The following MCC variants were observed in gnomAD, a reference collection of about 807,000 sequenced individuals.
MCC encodes colorectal mutant cancer protein.
Under a neutral mutation model 116.2 loss-of-function variants are expected in MCC, and 90 were observed. The ratio of observed to expected loss-of-function variants is 0.77; its 90% CI spans 0.65 to 0.92. The LOEUF is 0.92. Ranked by LOEUF, MCC falls within the 40% of genes least tolerant of loss-of-function variation. The pLI, the probability that MCC is intolerant of heterozygous loss-of-function variation, is 0.00. For synonymous variants in MCC, 578 were observed against 510.5 expected (o/e 1.13, Z -1.78); for missense variants, 1,516 against 1,312.2 (o/e 1.16, Z -2.40).
At chr5:113,204,863 C>T (rs1266654229) in intron 3 of MCC, among the ~76,000 whole-genome samples, 1 of 152,196 alleles carries the variant, frequency 6.6e-6, no homozygotes, top group Non-Finnish European at 1.5e-5. Context: ...TGAAGTCTTA[C>T]TTTTATATCC....
At chr5:113,332,766 T>A (rs1313970604) in intron 3 of MCC, among the ~76,000 whole-genome samples, 4 of 151,648 alleles carry the variant, frequency 2.6e-5, no homozygotes, top group Non-Finnish European at 5.9e-5. Context: ...ATCAGTAACT[T>A]ACCGATCTTC....
At chr5:113,213,637 G>A (rs1763209691) in intron 3 of MCC, among the ~76,000 whole-genome samples, 1 of 152,196 alleles carries the variant, frequency 6.6e-6, no homozygotes, top group Admixed American at 6.5e-5. Flanking sequence ...GCGGGTAAGA[G>A]AGAAAAGGCA....
chr5:113,264,451 T>G (rs1207228881), intron 3 of MCC, among the ~76,000 whole-genome samples: 1 of 152,184 alleles, frequency 6.6e-6, no homozygotes, highest in Non-Finnish European at 1.5e-5. Context: ...GCTGGCCAAC[T>G]ATCTTCCAGA....
chr5:113,268,767 T>C (rs1765507054), intron 3 of MCC, among the ~76,000 whole-genome samples: 1 of 152,194 alleles, frequency 6.6e-6, no homozygotes, highest in South Asian at 2.1e-4. Flanking sequence ...TAGTAAATCT[T>C]TGGTTACCTG....
chr5:113,307,377 T>G (rs1216864624), intron 3 of MCC, among the ~76,000 whole-genome samples: 1 of 152,206 alleles, frequency 6.6e-6, no homozygotes, highest in East Asian at 1.9e-4. Flanking sequence ...CTTGTTAAAT[T>G]TATTCCTAAG....
At chr5:113,073,779 T>C (rs1754215298) in intron 11 of MCC, among the ~76,000 whole-genome samples, 1 of 152,042 alleles carries the variant, frequency 6.6e-6, no homozygotes, top group Admixed American at 6.6e-5. Context: ...CTTCGCTCAC[T>C]GCTAGCACAG....
At chr5:113,164,064 G>C (rs1581184271) in intron 3 of MCC, among the ~76,000 whole-genome samples, 2 of 152,040 alleles carry the variant, frequency 1.3e-5, no homozygotes, top group South Asian at 4.1e-4. Context: ...CAAATAAATA[G>C]GTAATCCTTG....
chr5:113,472,922 T>G (rs1004526447), intron 1 of MCC, among the ~76,000 whole-genome samples: 3 of 152,178 alleles, frequency 2.0e-5, no homozygotes, highest in African/African-American at 7.2e-5. Flanking sequence ...AGTATTAAAC[T>G]ATTGGTTCAT....
intron 8 of MCC, among the ~76,000 whole-genome samples, chr5:113,094,636 G>C (rs571226161): frequency 1.1e-4 from 17 of 152,130 alleles, no homozygotes; most frequent in African/African-American, 4.1e-4. Context: ...TGGCCAGGCT[G>C]GTCTCGAACT....
chr5:113,108,761 A>T (rs1446311846), intron 6 of MCC, among the ~76,000 whole-genome samples: 1 of 152,176 alleles, frequency 6.6e-6, no homozygotes, highest in African/African-American at 2.4e-5. Flanking sequence ...ACTCTGAAGA[A>T]TATCTACCCT....
intron 3 of MCC, among the ~76,000 whole-genome samples, chr5:113,172,571 AAC>A (rs778824283): frequency 6.4e-4 from 97 of 152,348 alleles, no homozygotes; most frequent in Non-Finnish European, 1.2e-3. Flanking sequence ...ACTTTGACAT[AAC>A]ACAGAACAAA....
chr5:113,310,805 T>G lies in MCC; in HGVS notation c.627+29714A>C, dbSNP rs1328065689. ...TTGGACTAATTTATTTTATCTTTCT[T>G]AAGGTGGGAACCTCCTTCAAAAGTG... On this transcript the variant is annotated intron_variant, in intron 3 of 18. Coordinates refer to ENST00000408903, the MANE Select transcript of MCC (RefSeq NM_001085377.2). Among the ~76,000 whole-genome samples, 4 of 152,236 alleles carry G rather than the reference T, an allele frequency of 2.6e-5. No individual in the cohort carries two copies. The East Asian group carries it at 7.7e-4, about 29-fold the overall frequency.
chr5:113,271,745 G>C (rs1316475182), intron 3 of MCC, among the ~76,000 whole-genome samples: 1 of 152,176 alleles, frequency 6.6e-6, no homozygotes, highest in Non-Finnish European at 1.5e-5. Flanking sequence ...ACATTTATCA[G>C]GGGAGTAGGT....
intron 3 of MCC, among the ~76,000 whole-genome samples, chr5:113,173,655 C>G (rs1342022540): frequency 2.6e-5 from 4 of 152,158 alleles, no homozygotes; most frequent in African/African-American, 9.7e-5. Flanking sequence ...TTGTATTTTT[C>G]TTTGCAGAGG....
intron 17 of MCC, among the ~76,000 whole-genome samples, chr5:113,041,056 C>T (rs1032591727): frequency 1.3e-5 from 2 of 152,210 alleles, no homozygotes; most frequent in African/African-American, 4.8e-5. Context: ...CATTTTTCTG[C>T]GCAGCTTTTC....
At chr5:113,458,235 A>G (rs1771634498) in intron 1 of MCC, among the ~76,000 whole-genome samples, 1 of 152,168 alleles carries the variant, frequency 6.6e-6, no homozygotes, top group African/African-American at 2.4e-5. Context: ...CACTGCCTTT[A>G]TGAGCTGTAA....
At position 113,071,160 on chromosome 5, in the gene MCC, C is replaced by T. The variant is rs758180954; in HGVS notation, c.1859G>A (p.Arg620Lys). The T allele has an allele frequency of 7.4e-6, 12 of 1,614,204 alleles. No individual in the cohort carries two copies. The highest frequency in any genetic ancestry group is 1.0e-5 in the Non-Finnish European group (12 of 1,180,030). ...TLEECKSNAERMSMLVGKYES... is the reference protein window; with the variant it reads ...TLEECKSNAEKMSMLVGKYES... ...GTATTTTCCCACCAGCATGCTCATCCTCTCGGCATTGCTTTTACATTCCTC... is the reference window on the plus strand; with the variant it reads ...GTATTTTCCCACCAGCATGCTCATCTTCTCGGCATTGCTTTTACATTCCTC... Residue 620 changes from arginine to lysine, a missense_variant, in exon 12 of 19, where the codon AGG becomes AAG. Arg to Lys is a conservative substitution (Grantham distance 26). Coordinates refer to ENST00000408903, the MANE Select transcript of MCC (RefSeq NM_001085377.2).
chr5:113,022,812 T>C lies in MCC; in HGVS notation c.*4490A>G, dbSNP rs1750240603. On this transcript the variant is annotated 3_prime_UTR_variant, in exon 19 of 19. Coordinates refer to ENST00000408903, the MANE Select transcript of MCC (RefSeq NM_001085377.2). ...TAGCAGATGGATGACTGTGGAAAGATGAAGTACTAGTCAAGGATGTGGTTT... is the reference window on the plus strand; with the variant it reads ...TAGCAGATGGATGACTGTGGAAAGACGAAGTACTAGTCAAGGATGTGGTTT... 1 of 152,244 alleles carries C rather than the reference T, an allele frequency of 6.6e-6. No individual in the cohort carries two copies. The highest frequency in any genetic ancestry group is 1.5e-5 in the Non-Finnish European group (1 of 68,048). 9.4% of individuals were successfully genotyped at this position (152,244 alleles called of 1,614,324 possible). A position where few individuals can be genotyped will look rare whatever the true frequency, so the allele number is the denominator to read the frequency against.
chr5:113,318,006 A>G (rs1179651209), intron 3 of MCC, among the ~76,000 whole-genome samples: 1 of 152,220 alleles, frequency 6.6e-6, no homozygotes, highest in Non-Finnish European at 1.5e-5. Context: ...TAAGAAGGAA[A>G]AAAGGAAGCA....
Sources: gnomAD v4.1 joint callset for allele counts (sites outside exome capture counted in the v4.1 genomes callset) on GRCh38, gnomAD v4.1.1 for gene constraint, MANE v1.5 for transcripts, NCBI Gene and HGNC (gene_info 2026-07-23, HGNC 2026-07-21) for gene names.